The following AKAP13 variants were observed in gnomAD, a reference collection of about 807,000 sequenced individuals.
AKAP13 encodes the protein A-kinase anchoring protein 13, also known as A-kinase anchor protein 13.
In AKAP13, 80 loss-of-function variants were observed where a neutral mutation model predicts 264.5. The observed-to-expected ratio is 0.30, with a 90% CI of 0.25 to 0.36. The LOEUF (loss-of-function observed/expected upper bound fraction) is 0.36, where lower values mean the gene tolerates loss of function less well. Ranked by LOEUF, AKAP13 falls within the 10% of genes least tolerant of loss-of-function variation. The pLI is 1.00. For synonymous variants in AKAP13, 1,380 were observed against 1,250.2 expected (o/e 1.10, Z -2.19); for missense variants, 3,712 against 3,435.2 (o/e 1.08, Z -2.01).
rs541725279 is a variant in AKAP13, at chr15:85,586,003, A to G, written c.4161+180A>G. On this transcript the variant is annotated intron_variant, in intron 8 of 36. Coordinates refer to ENST00000394518, the MANE Select transcript of AKAP13 (RefSeq NM_007200.5). ...CTGCAGCTAAGCTTTCATAAATGGT[A>G]TATACCATACAGCAAAGTTTTGGAA... 5.3e-5 allele frequency among the ~76,000 whole-genome samples: 8 copies of G among 152,304 alleles called. No homozygotes were observed. In the East Asian group the frequency reaches 1.5e-3, roughly 29 times the overall value.
chr15:85,438,150 A>G (rs2073417229), intron 1 of AKAP13, among the ~76,000 whole-genome samples: 1 of 146,880 alleles, frequency 6.8e-6, no homozygotes, highest in African/African-American at 2.6e-5. Flanking sequence ...TACAAAAATC[A>G]CAAGCATTCT....
intron 1 of AKAP13, among the ~76,000 whole-genome samples, chr15:85,399,259 G>T (rs28626479): frequency 0.068 from 10,260 of 151,630 alleles, 1,083 homozygotes; most frequent in African/African-American, 0.23. Flanking sequence ...CACTTTGGGA[G>T]GCCGAGGCGG....
intron 5 of AKAP13, among the ~76,000 whole-genome samples, chr15:85,563,058 G>A (rs1171589671): frequency 6.6e-6 from 1 of 151,844 alleles, no homozygotes; most frequent in Non-Finnish European, 1.5e-5. Flanking sequence ...TCATAGAAGC[G>A]AAATAATTTG....
At chr15:85,524,827 G>GTGTC (rs982739670) in intron 3 of AKAP13, among the ~76,000 whole-genome samples, 9 of 151,644 alleles carry the variant, frequency 5.9e-5, no homozygotes, top group South Asian at 2.1e-4. Context: ...AAGTGTGTGT[G>GTGTC]TGTCTGTCTG....
chr15:85,523,129 C>T (rs1331360223), intron 3 of AKAP13, among the ~76,000 whole-genome samples: 1 of 151,926 alleles, frequency 6.6e-6, no homozygotes, highest in Non-Finnish European at 1.5e-5. Flanking sequence ...GATATGTGTG[C>T]AAGGGTACCA....
At chr15:85,653,758 G>A (rs2082974036) in intron 10 of AKAP13, among the ~76,000 whole-genome samples, 1 of 152,068 alleles carries the variant, frequency 6.6e-6, no homozygotes, top group Non-Finnish European at 1.5e-5. Context: ...ATTACAAAAT[G>A]CCCTTCCCTG....
chr15:85,690,899 G>T (rs1399398325), intron 16 of AKAP13, among the ~76,000 whole-genome samples: 1 of 152,194 alleles, frequency 6.6e-6, no homozygotes, highest in African/African-American at 2.4e-5. Flanking sequence ...AATCTCTTCA[G>T]ATGTAAAATG....
At chr15:85,586,183 CT>C (rs1365184236) in intron 8 of AKAP13, among the ~76,000 whole-genome samples, 1 of 151,202 alleles carries the variant, frequency 6.6e-6, no homozygotes, top group Admixed American at 6.6e-5. Context: ...TTCTTTCCTT[CT>C]TTTTCTTTTT....
chr15:85,464,976 T>C (rs992148498), intron 1 of AKAP13, among the ~76,000 whole-genome samples: 7 of 152,248 alleles, frequency 4.6e-5, no homozygotes, highest in Non-Finnish European at 1.0e-4. Context: ...AGCCTTGCTC[T>C]GTCGCCCAGG....
intron 8 of AKAP13, among the ~76,000 whole-genome samples, chr15:85,603,484 C>T (rs2080183789): frequency 6.6e-6 from 1 of 152,250 alleles, no homozygotes; most frequent in African/African-American, 2.4e-5. Context: ...GTTTTGCAGA[C>T]CGCACTTTGA....
At chr15:85,535,013 C>A (rs1180108751) in intron 4 of AKAP13, 1 of 152,136 alleles carries the variant, frequency 6.6e-6, no homozygotes, top group East Asian at 1.9e-4. Flanking sequence ...AGAGCTCCTG[C>A]CAGAAGGGTC....
At chr15:85,388,039 CT>C (rs59619317) in intron 1 of AKAP13, among the ~76,000 whole-genome samples, 72,997 of 143,628 alleles carry the variant, frequency 0.51, 18,468 homozygotes, top group Admixed American at 0.58. Flanking sequence ...CTTTCATTTC[CT>C]TTTTTTTTTT....
At chr15:85,671,390 C>T (rs933965229) in intron 14 of AKAP13, among the ~76,000 whole-genome samples, 5 of 136,212 alleles carry the variant, frequency 3.7e-5, no homozygotes, top group African/African-American at 1.4e-4. Flanking sequence ...GCTGTGATGG[C>T]ACCACTGCAT....
chr15:85,701,208 G>A (rs985704067), intron 17 of AKAP13: 14 of 152,048 alleles, frequency 9.2e-5, no homozygotes, highest in African/African-American at 3.4e-4. Flanking sequence ...GTCACCCAAG[G>A]AATTTGCTTT....
At chr15:85,519,306 T>C (rs1311024719) in intron 2 of AKAP13, among the ~76,000 whole-genome samples, 1 of 152,178 alleles carries the variant, frequency 6.6e-6, no homozygotes, top group East Asian at 1.9e-4. Context: ...TTAAAAGGCC[T>C]TCTTTCTTCC....
chr15:85,641,541 A>C (rs1354895258), intron 9 of AKAP13, among the ~76,000 whole-genome samples: 1 of 151,052 alleles, frequency 6.6e-6, no homozygotes, highest in Non-Finnish European at 1.5e-5. Flanking sequence ...GCTGGAATGC[A>C]GTGGCACAAT....
At chr15:85,562,100 C>T (rs553647484) in intron 5 of AKAP13, among the ~76,000 whole-genome samples, 16 of 152,170 alleles carry the variant, frequency 1.1e-4, no homozygotes, top group Admixed American at 3.3e-4. Flanking sequence ...ATAATATTCT[C>T]CTTCACAGAA....
At chr15:85,529,746 T>A (rs2077189921) in intron 3 of AKAP13, among the ~76,000 whole-genome samples, 1 of 152,202 alleles carries the variant, frequency 6.6e-6, no homozygotes, top group Non-Finnish European at 1.5e-5. Flanking sequence ...TAGGGTGAGG[T>A]ACTTTATTCT....
At chr15:85,687,094 G>GA (rs747939296) in intron 16 of AKAP13, among the ~76,000 whole-genome samples, 4 of 151,414 alleles carry the variant, frequency 2.6e-5, no homozygotes, top group Non-Finnish European at 5.9e-5. Context: ...CACATGATAG[G>GA]AAAAAAAACA....
Sources: allele counts gnomAD v4.1 joint callset (sites outside exome capture counted in the v4.1 genomes callset), GRCh38; gene constraint gnomAD v4.1.1; transcripts MANE v1.5; gene names NCBI Gene and HGNC (gene_info 2026-07-23, HGNC 2026-07-21).